Variants in SPAG17 observed in about 807,000 individuals in gnomAD.
The protein encoded by SPAG17 is sperm-associated antigen 17.
In SPAG17, 169 loss-of-function variants were observed where a neutral mutation model predicts 273.6. The ratio of observed to expected loss-of-function variants is 0.62; its 90% CI spans 0.55 to 0.70. SPAG17 has a LOEUF of 0.70. Ranked by LOEUF, SPAG17 falls within the 30% of genes least tolerant of loss-of-function variation. The probability of loss-of-function intolerance (pLI) is 0.00; values close to 1 mark genes in which losing one functional copy is unlikely to be tolerated. For synonymous variants in SPAG17, 825 were observed against 873.2 expected (o/e 0.94, Z 0.97); for missense variants, 2,557 against 2,627.8 (o/e 0.97, Z 0.59).
At chr1:118,146,622 C>A (rs939271637) in intron 3 of SPAG17, among the ~76,000 whole-genome samples, 2 of 152,188 alleles carry the variant, frequency 1.3e-5, no homozygotes, top group Non-Finnish European at 2.9e-5. Context: ...CTTGCTTGAG[C>A]TATTCCCTTT....
Position 118,183,922 on chromosome 1 carries a change from G to A in SPAG17, c.87+1149C>T, listed in dbSNP as rs115480957. Among the ~76,000 whole-genome samples, 1,064 of 152,304 alleles carry A rather than the reference G, an allele frequency of 7.0e-3. 15 individuals carry two copies. Among genetic ancestry groups the A allele is most frequent in the African/African-American group, 0.025 (1,025 of 41,566 alleles). On this transcript the variant is annotated intron_variant, in intron 1 of 48. Transcript: ENST00000336338. ...AAAACATCTTTGAGAATTTGAGAAT[G>A]TAACTGGGGATTACTGAGTTGACAT...
rs558383603 is a variant in SPAG17 at position 117,963,895 on chromosome 1, A to G, written c.6576T>C (p.Phe2192=). 6.2e-7 allele frequency: 1 copy of G among 1,613,960 alleles called. No homozygotes were observed. The highest frequency in any genetic ancestry group is 1.3e-5 in the African/African-American group (1 of 75,054). The change falls in exon 48 of 49, where the codon TTT becomes TTC. Residue 2192 remains phenylalanine, a synonymous_variant. Coordinates refer to ENST00000336338, the MANE Select transcript of SPAG17 (RefSeq NM_206996.4). ...CCATTGGATTTTCTTTTCCCTGGGG[A>G]AAGTCTTTTGGTCGTTTATCATAAT... The part of the protein sequence containing the change: ...SSNYDKRPKD[F]PQGKENPMVQ...
intron 42 of SPAG17, 100 bp from the exon 43 acceptor site, chr1:117,981,501 A>G (rs1247575761): frequency 7.9e-7 from 1 of 1,263,300 alleles, no homozygotes; most frequent in Non-Finnish European, 1.1e-6. Flanking sequence ...GTGTTTTACA[A>G]TGAATGAGGT....
chr1:118,133,433 T>C (rs907574250), intron 3 of SPAG17, among the ~76,000 whole-genome samples: 1 of 152,230 alleles, frequency 6.6e-6, no homozygotes, highest in South Asian at 2.1e-4. Context: ...TCAGAAGGTA[T>C]GTTCCTGGAT....
In SPAG17 at chr1:118,001,613, T is replaced by G. The variant is rs909667136; in HGVS notation, c.4776+3801A>C. 2.0e-5 allele frequency among the ~76,000 whole-genome samples: 3 copies of G among 152,186 alleles called. No homozygotes were observed. The South Asian group carries it at 6.2e-4, about 32-fold the overall frequency. On this transcript the variant is annotated intron_variant, in intron 32 of 48. Transcript: ENST00000336338. ...ATTTTCTAGTTTATTTGCATAGAGG[T>G]GTTTATAGTATTCTCTGATGGTAGT...
intron 32 of SPAG17, among the ~76,000 whole-genome samples, chr1:118,000,134 G>A (rs147912284): frequency 0.01 from 1,576 of 152,256 alleles, 23 homozygotes; most frequent in African/African-American, 0.029. Flanking sequence ...GATGTTTGTA[G>A]ATGTGTGGTG....
At chr1:118,117,812 C>T (rs987993301) in intron 3 of SPAG17, among the ~76,000 whole-genome samples, 13 of 152,216 alleles carry the variant, frequency 8.5e-5, no homozygotes, top group African/African-American at 2.4e-4. Context: ...TTGGCCTCCC[C>T]CAGGGTTGCT....
intron 18 of SPAG17, among the ~76,000 whole-genome samples, chr1:118,059,404 T>C (rs192168728): frequency 6.6e-4 from 100 of 152,278 alleles, no homozygotes; most frequent in African/African-American, 2.3e-3. Flanking sequence ...ATATTTATCA[T>C]GTACAACATG....
At chr1:118,017,092 G>A (rs2101808378) in intron 28 of SPAG17, among the ~76,000 whole-genome samples, 1 of 152,236 alleles carries the variant, frequency 6.6e-6, no homozygotes, top group Non-Finnish European at 1.5e-5. Context: ...TCAACTAATG[G>A]GAAGAACCAA....
chr1:118,077,018 T>A (rs964843789), intron 15 of SPAG17, among the ~76,000 whole-genome samples: 34 of 152,286 alleles, frequency 2.2e-4, no homozygotes, highest in African/African-American at 7.7e-4. Context: ...TAGTCTCAGA[T>A]GGAAATCCAG....
intron 4 of SPAG17, among the ~76,000 whole-genome samples, chr1:118,108,452 T>A (rs1278995483): frequency 6.6e-6 from 1 of 152,204 alleles, no homozygotes; most frequent in Non-Finnish European, 1.5e-5. Flanking sequence ...TCAGCAAAGC[T>A]GACCCCCTAA....
At chr1:118,145,258 A>G (rs1658909251) in intron 3 of SPAG17, among the ~76,000 whole-genome samples, 1 of 152,220 alleles carries the variant, frequency 6.6e-6, no homozygotes, top group South Asian at 2.1e-4. Flanking sequence ...AATTCTATTA[A>G]ATTGACTATT....
chr1:117,984,159 C>T (rs556630465), intron 41 of SPAG17, among the ~76,000 whole-genome samples: 16 of 152,254 alleles, frequency 1.1e-4, no homozygotes, highest in South Asian at 8.3e-4. Context: ...TGAAAATATT[C>T]GCTTTGCTTC....
At chr1:118,068,130 G>T (rs1653167494) in intron 17 of SPAG17, among the ~76,000 whole-genome samples, 1 of 150,894 alleles carries the variant, frequency 6.6e-6, no homozygotes, top group Non-Finnish European at 1.5e-5. Flanking sequence ...CATATCTGAA[G>T]GCATGGAGTG....
chr1:118,098,412 C>A (rs1030240426), intron 6 of SPAG17, among the ~76,000 whole-genome samples: 2 of 151,704 alleles, frequency 1.3e-5, no homozygotes, highest in African/African-American at 2.4e-5. Flanking sequence ...AAAATTTGCC[C>A]GAAATATTTA....
At position 118,075,214 on chromosome 1, in the gene SPAG17, A is replaced by G. The variant is rs571649652; in HGVS notation, c.2210-614T>C. The stretch of plus-strand genomic sequence containing the variant: ...AAGCTTAACAAAAGTTAAATAAATA[A>G]ATGAAGCGGTACCTGGACTCCATGG... On this transcript the variant is annotated intron_variant, in intron 15 of 48. Coordinates refer to ENST00000336338, the MANE Select transcript of SPAG17 (RefSeq NM_206996.4). 3.5e-4 allele frequency among the ~76,000 whole-genome samples: 53 copies of G among 152,370 alleles called. 2 individuals are homozygous for G. The South Asian group carries it at 0.01, about 29-fold the overall frequency.
chr1:118,010,287 TGC>T (rs1424456587), intron 30 of SPAG17, among the ~76,000 whole-genome samples: 1 of 152,040 alleles, frequency 6.6e-6, no homozygotes, highest in East Asian at 1.9e-4. Context: ...ACCGTAACCG[TGC>T]TACTCAACTA....
At chr1:118,078,341 AACAC>A (rs1414499653) in intron 15 of SPAG17, among the ~76,000 whole-genome samples, 1 of 152,166 alleles carries the variant, frequency 6.6e-6, no homozygotes, top group African/African-American at 2.4e-5. Context: ...TATGAAATAT[AACAC>A]ACAAAGAAAA....
chr1:118,166,250 T>G (rs1413062838), intron 1 of SPAG17, among the ~76,000 whole-genome samples: 1 of 152,092 alleles, frequency 6.6e-6, no homozygotes, highest in African/African-American at 2.4e-5. Context: ...ATAATGATGG[T>G]GAAGGGTGAG....
Sources: allele counts gnomAD v4.1 joint callset (sites outside exome capture counted in the v4.1 genomes callset), GRCh38; gene constraint gnomAD v4.1.1; transcripts MANE v1.5; gene names NCBI Gene and HGNC (gene_info 2026-07-23, HGNC 2026-07-21).